DNAH8: variants seen among roughly 807,000 people sequenced by gnomAD.
The protein encoded by DNAH8 is axonemal beta dynein heavy chain 8.
In DNAH8, 382 loss-of-function variants were observed where a neutral mutation model predicts 562.1. The ratio of observed to expected loss-of-function variants is 0.68; its 90% confidence interval spans 0.63 to 0.74. The LOEUF is 0.74. Among genes scored for constraint, DNAH8 ranks in the 30% least tolerant of loss-of-function variants. The pLI is 0.00. For synonymous variants in DNAH8, 1,881 were observed against 1,919.4 expected (o/e 0.98, Z 0.52); for missense variants, 5,203 against 5,620.4 (o/e 0.93, Z 2.37).
intron 79 of DNAH8, among the ~76,000 whole-genome samples, chr6:38,942,787 A>G (rs1783566175): frequency 6.6e-6 from 1 of 152,094 alleles, no homozygotes; most frequent in African/African-American, 2.4e-5. Flanking sequence ...CAGCCTGCAT[A>G]CCTGAGGCAT....
chr6:38,938,848 AC>A lies in DNAH8; in HGVS notation c.11869del (p.Leu3957Ter). ...AAGAGAATTACAAATATTATCGAGT[AC>A]CTGACATATGAAGTTTTTACATACT... ...PQKRITNIIEYLTYEVFTYSV... is the reference protein window; with the variant it reads ...PQKRITNIIEXLTYEVFTYSV... On this transcript the variant is annotated frameshift_variant, in exon 79 of 93. Coordinates refer to ENST00000327475, the MANE Select transcript of DNAH8 (RefSeq NM_001206927.2). LOFTEE classifies it high-confidence loss of function. The A allele has an allele frequency of 6.2e-7, 1 of 1,613,110 alleles. No individual in the cohort carries two copies. Among genetic ancestry groups the A allele is most frequent in the Non-Finnish European group, 8.5e-7 (1 of 1,179,284 alleles).
At chr6:38,938,661 G>A (rs755166604) in intron 78 of DNAH8, 137 bp from the exon 79 acceptor site, 54 of 632,236 alleles carry the variant, frequency 8.5e-5, no homozygotes, top group Non-Finnish European at 1.1e-4. Flanking sequence ...ATACCTGGGT[G>A]ATGAATTAAT....
intron 81 of DNAH8, among the ~76,000 whole-genome samples, chr6:38,950,194 G>A (rs1340508800): frequency 9.2e-6 from 1 of 108,682 alleles, no homozygotes; most frequent in South Asian, 2.7e-4. Flanking sequence ...GTCTGCGTGT[G>A]TGTGTGTGTG....
At chr6:38,832,971 G>A (rs1228583217) in intron 31 of DNAH8, among the ~76,000 whole-genome samples, 1 of 152,140 alleles carries the variant, frequency 6.6e-6, no homozygotes, top group African/African-American at 2.4e-5. Flanking sequence ...AAGGCCGTGA[G>A]AAACTATAAA....
At chr6:38,715,964 T>A (rs1478403989) in intron 1 of DNAH8, among the ~76,000 whole-genome samples, 42 of 51,500 alleles carry the variant, frequency 8.2e-4, no homozygotes, top group South Asian at 2.0e-3. Flanking sequence ...ATATATATTT[T>A]TTTTTTTTTT....
At chr6:38,961,791 T>C (rs1762620316) in intron 82 of DNAH8, among the ~76,000 whole-genome samples, 1 of 152,060 alleles carries the variant, frequency 6.6e-6, no homozygotes, top group African/African-American at 2.4e-5. Flanking sequence ...AGATGTCTGC[T>C]ATTGCCACTG....
intron 75 of DNAH8, among the ~76,000 whole-genome samples, chr6:38,930,419 A>T (rs559361560): frequency 7.4e-6 from 1 of 135,724 alleles, no homozygotes; most frequent in East Asian, 2.9e-4. Context: ...TTCTCATTAA[A>T]TAAAGACAGA....
intron 26 of DNAH8, among the ~76,000 whole-genome samples, chr6:38,818,335 A>G (rs1274243662): frequency 6.6e-6 from 1 of 152,034 alleles, no homozygotes; most frequent in Non-Finnish European, 1.5e-5. Flanking sequence ...AAAACTATAA[A>G]TTGTTAGATG....
intron 74 of DNAH8, among the ~76,000 whole-genome samples, chr6:38,926,821 A>T (rs953202254): frequency 6.6e-6 from 1 of 152,080 alleles, no homozygotes; most frequent in African/African-American, 2.4e-5. Context: ...CTCTACCTCC[A>T]CTTATATCCT....
intron 30 of DNAH8, among the ~76,000 whole-genome samples, chr6:38,831,794 A>G (rs537821928): frequency 3.2e-4 from 49 of 152,226 alleles, no homozygotes; most frequent in Non-Finnish European, 6.5e-4. Context: ...ACAAAGATTA[A>G]AAGAGTTAAC....
At chr6:38,922,520 T>A (rs1229133855) in intron 71 of DNAH8, among the ~76,000 whole-genome samples, 2 of 152,140 alleles carry the variant, frequency 1.3e-5, no homozygotes, top group East Asian at 3.8e-4. Flanking sequence ...TACTTTTGCT[T>A]TTAATATAAT....
intron 21 of DNAH8, among the ~76,000 whole-genome samples, chr6:38,793,579 C>A (rs77353828): frequency 1.1e-3 from 169 of 151,960 alleles, no homozygotes; most frequent in Non-Finnish European, 1.8e-3. Context: ...TATTTTTAAT[C>A]TATTCTGAAA....
chr6:38,769,760 G>A (rs1767379218), intron 11 of DNAH8, among the ~76,000 whole-genome samples: 1 of 152,208 alleles, frequency 6.6e-6, no homozygotes, highest in African/African-American at 2.4e-5. Flanking sequence ...TGGGCAAGAG[G>A]AGGCAGAAGA....
In DNAH8 at chr6:38,872,767, T is replaced by A; in HGVS notation, c.7222T>A (p.Leu2408Ile). ...TTTTTCTACTCTGTGGAGAAAAACA[T>A]TAAAAGCTAAAAAAGGTATACACAA... ...GIFSTLWRKT[L>I]KAKKGENIFL... is the part of the protein sequence containing the mutation. The change falls in exon 50 of 93, where the codon TTA (leucine) becomes ATA (isoleucine). Residue 2408 changes from leucine to isoleucine, a missense_variant. By Grantham distance (5) the Leu-to-Ile change is conservative. Transcript: ENST00000327475. 1 of 1,614,088 alleles carries A rather than the reference T, an allele frequency of 6.2e-7. No individual in the cohort carries two copies. Among genetic ancestry groups the A allele is most frequent in the Non-Finnish European group, 8.5e-7 (1 of 1,179,966 alleles).
rs1561794164 is a variant in DNAH8 at position 38,872,766 on chromosome 6, AT to A, written c.7223del (p.Leu2408Ter). The A allele has an allele frequency of 1.9e-6, 3 of 1,614,164 alleles. No individual in the cohort carries two copies. Among genetic ancestry groups the A allele is most frequent in the Non-Finnish European group, 2.5e-6 (3 of 1,180,002 alleles). ...GIFSTLWRKTLKAKKGENIFL... is the reference protein window; with the variant it reads ...GIFSTLWRKTXKAKKGENIFL... ...TTTTTTCTACTCTGTGGAGAAAAACATTAAAAGCTAAAAAAGGTATACACAA... is the reference window on the plus strand; with the variant it reads ...TTTTTTCTACTCTGTGGAGAAAAACATAAAAGCTAAAAAAGGTATACACAA... On this transcript the variant is annotated frameshift_variant, in exon 50 of 93. Coordinates refer to ENST00000327475, the MANE Select transcript of DNAH8 (RefSeq NM_001206927.2). LOFTEE classifies it high-confidence loss of function.
At chr6:38,740,698 T>C (rs1489683079) in intron 7 of DNAH8, among the ~76,000 whole-genome samples, 1 of 152,086 alleles carries the variant, frequency 6.6e-6, no homozygotes, top group Non-Finnish European at 1.5e-5. Flanking sequence ...CACTGCAGCC[T>C]CCAGCTTCTG....
chr6:38,768,370 G>A lies in DNAH8; in HGVS notation c.1618-2043G>A, dbSNP rs1341669034. On this transcript the variant is annotated intron_variant, in intron 11 of 92. Coordinates refer to ENST00000327475, the MANE Select transcript of DNAH8 (RefSeq NM_001206927.2). ...GCCTCCTTGACCTCCTGGGCTCAAG[G>A]GCTCCTCCTACCTCTGCCTCCTAAG... is the stretch of plus-strand genomic sequence containing the variant. 2.0e-5 allele frequency among the ~76,000 whole-genome samples: 3 copies of A among 151,924 alleles called. 1 individual carries two copies. The highest frequency in any genetic ancestry group is 1.3e-4 in the Admixed American group (2 of 15,244).
intron 11 of DNAH8, chr6:38,762,884 G>C (rs1766657054): frequency 3.8e-6 from 1 of 260,758 alleles, no homozygotes; most frequent in Non-Finnish European, 7.3e-6. Context: ...CCCTTGCTCT[G>C]ACCTCTGAAC....
intron 1 of DNAH8, among the ~76,000 whole-genome samples, chr6:38,721,844 A>G (rs1017073126): frequency 1.3e-5 from 2 of 152,202 alleles, no homozygotes; most frequent in Non-Finnish European, 1.5e-5. Context: ...CCAGGTCTGC[A>G]TCTGTGTCCT....
Sources: gnomAD v4.1 joint callset for allele counts (sites outside exome capture counted in the v4.1 genomes callset) on GRCh38, gnomAD v4.1.1 for gene constraint, MANE v1.5 for transcripts, NCBI Gene and HGNC (gene_info 2026-07-23, HGNC 2026-07-21) for gene names.